LRIG1: variants seen among roughly 807,000 people sequenced by gnomAD.
The protein encoded by LRIG1 is leucine rich repeats and immunoglobulin like domains 1, also known as leucine-rich repeats and immunoglobulin-like domains protein 1.
In LRIG1, 48 loss-of-function variants were observed where a neutral mutation model predicts 99.2. The ratio of observed to expected loss-of-function variants is 0.48; its 90% CI spans 0.38 to 0.62. The LOEUF (loss-of-function observed/expected upper bound fraction) is 0.62. LRIG1 is among the 20% of genes least tolerant of loss of function. The probability of loss-of-function intolerance (pLI) is 0.00; values close to 1 mark genes in which losing one functional copy is unlikely to be tolerated. For synonymous variants in LRIG1, 772 were observed against 596.1 expected (o/e 1.29, Z -4.30); for missense variants, 1,646 against 1,434.4 (o/e 1.15, Z -2.38).
chr3:66,442,449 G>A (rs1703571454), intron 3 of LRIG1, among the ~76,000 whole-genome samples: 2 of 145,556 alleles, frequency 1.4e-5, no homozygotes, highest in South Asian at 2.2e-4. Flanking sequence ...GTGAGGAGGG[G>A]GAGGAGGAGG....
chr3:66,468,657 C>T (rs982514552), intron 1 of LRIG1, among the ~76,000 whole-genome samples: 2 of 152,150 alleles, frequency 1.3e-5, no homozygotes, highest in South Asian at 2.1e-4. Flanking sequence ...TGGGCTCTGG[C>T]GATTCATCTC....
At chr3:66,493,928 AAAAAAG>A (rs1041669014) in intron 1 of LRIG1, among the ~76,000 whole-genome samples, 183 of 149,180 alleles carry the variant, frequency 1.2e-3, no homozygotes, top group African/African-American at 4.0e-3. Flanking sequence ...GGAGAGAAAG[AAAAAAG>A]AAAAAGAAAA....
intron 1 of LRIG1, among the ~76,000 whole-genome samples, chr3:66,473,036 T>C (rs928809731): frequency 1.3e-5 from 2 of 152,074 alleles, no homozygotes; most frequent in South Asian, 4.2e-4. Context: ...TCTGGACGTG[T>C]AGTGATTAGG....
intron 9 of LRIG1, among the ~76,000 whole-genome samples, chr3:66,401,213 C>T (rs900462168): frequency 5.3e-5 from 8 of 152,178 alleles, no homozygotes; most frequent in Admixed American, 1.3e-4. Flanking sequence ...TATTTTAAAA[C>T]AAATAAACCA....
In LRIG1 at chr3:66,405,208, G is replaced by A; in HGVS notation, c.1150C>T (p.Leu384Phe). 1 of 1,614,116 alleles carries A rather than the reference G, an allele frequency of 6.2e-7. No individual in the cohort carries two copies. The highest frequency in any genetic ancestry group is 8.5e-7 in the Non-Finnish European group (1 of 1,179,964). ...GCGGCGGATACTCACAGCTTGCTGA[G>A]GCTGTCGAGCCCTGAGAAGGCGCCG... ...TSGAFSGLDSLSKLTLFGNKI... is the reference protein window; with the variant it reads ...TSGAFSGLDSFSKLTLFGNKI... Residue 384 changes from leucine (L) to phenylalanine (F), a missense_variant, in exon 9 of 19, where the codon CTC becomes TTC. Physicochemically the swap from Leu to Phe is conservative, Grantham distance 22. Coordinates refer to ENST00000273261, the MANE Select transcript of LRIG1 (RefSeq NM_015541.3).
chr3:66,474,680 C>T (rs1700678694), intron 1 of LRIG1, among the ~76,000 whole-genome samples: 1 of 152,150 alleles, frequency 6.6e-6, no homozygotes, highest in African/African-American at 2.4e-5. Flanking sequence ...TGCATCACCC[C>T]ACCACACGCC....
rs534545399 is a variant in LRIG1, at chr3:66,429,136, C to T, written c.366-11870G>A. Among the ~76,000 whole-genome samples the T allele has an allele frequency of 3.9e-5, 6 of 152,346 alleles. No homozygotes were observed. The East Asian group carries it at 1.2e-3, about 29-fold the overall frequency. On this transcript the variant is annotated intron_variant, in intron 3 of 18. Transcript: ENST00000273261. ...TCCCCTTTGGGTCTTCAACAAACAGCTTCCATTAACTCCTTGCAAAGACGA... is the reference window on the plus strand; with the variant it reads ...TCCCCTTTGGGTCTTCAACAAACAGTTTCCATTAACTCCTTGCAAAGACGA...
intron 1 of LRIG1, among the ~76,000 whole-genome samples, chr3:66,472,524 C>T (rs757193073): frequency 1.3e-5 from 2 of 152,162 alleles, no homozygotes; most frequent in Non-Finnish European, 2.9e-5. Context: ...ACACACTACA[C>T]GCTCACACCT....
intron 2 of LRIG1, among the ~76,000 whole-genome samples, chr3:66,456,365 T>G (rs1700220440): frequency 6.6e-6 from 1 of 152,116 alleles, no homozygotes; most frequent in Admixed American, 6.5e-5. Flanking sequence ...GAGGATCATT[T>G]AAGCCCAGTA....
chr3:66,382,668 C>T (rs562536994), intron 15 of LRIG1, among the ~76,000 whole-genome samples: 5 of 152,318 alleles, frequency 3.3e-5, no homozygotes, highest in Admixed American at 6.5e-5. Context: ...AGAAGTACCG[C>T]ACTGTTTCAG....
At chr3:66,383,454 G>A in intron 14 of LRIG1, 53 bp from the exon 15 acceptor site, 1 of 1,445,138 alleles carries the variant, frequency 6.9e-7, no homozygotes, top group Non-Finnish European at 9.3e-7. Flanking sequence ...CGTTGCTCTG[G>A]CTCTGCCCGG....
chr3:66,476,559 C>CT (rs1700726937), intron 1 of LRIG1, among the ~76,000 whole-genome samples: 1 of 152,166 alleles, frequency 6.6e-6, no homozygotes, highest in Admixed American at 6.5e-5. Context: ...CTCAAATCCC[C>CT]TTTTTCCAAG....
At chr3:66,463,406 T>C (rs1249335598) in intron 1 of LRIG1, among the ~76,000 whole-genome samples, 1 of 152,192 alleles carries the variant, frequency 6.6e-6, no homozygotes, top group Non-Finnish European at 1.5e-5. Context: ...CATGAGCAGC[T>C]TTCTCAAGAT....
At chr3:66,472,471 C>T (rs1700625143) in intron 1 of LRIG1, among the ~76,000 whole-genome samples, 1 of 152,146 alleles carries the variant, frequency 6.6e-6, no homozygotes, top group African/African-American at 2.4e-5. Flanking sequence ...ATCTCCTGTT[C>T]CGATACACTG....
At chr3:66,496,503 G>T (rs1559829303) in intron 1 of LRIG1, among the ~76,000 whole-genome samples, 1 of 152,212 alleles carries the variant, frequency 6.6e-6, no homozygotes, top group Non-Finnish European at 1.5e-5. Flanking sequence ...GAAGACACTT[G>T]TTGCAAAAGA....
intron 3 of LRIG1, among the ~76,000 whole-genome samples, chr3:66,423,346 G>A (rs1054188474): frequency 2.3e-4 from 35 of 152,160 alleles, no homozygotes; most frequent in African/African-American, 4.3e-4. Context: ...TGAGGTGGGC[G>A]GATCACCTTA....
intron 8 of LRIG1, among the ~76,000 whole-genome samples, 189 bp downstream of exon 8, chr3:66,407,159 T>C (rs562666115): frequency 2.0e-5 from 3 of 152,162 alleles, no homozygotes; most frequent in African/African-American, 7.2e-5. Flanking sequence ...ATGAGAGATT[T>C]TTCTGCTTAA....
intron 1 of LRIG1, among the ~76,000 whole-genome samples, chr3:66,495,574 A>C (rs912729106): frequency 8.5e-5 from 13 of 152,356 alleles, no homozygotes; most frequent in African/African-American, 2.6e-4. Flanking sequence ...AGAAGAAAGA[A>C]AGACTCTGAT....
At chr3:66,393,760 A>C (rs1036663102) in intron 12 of LRIG1, among the ~76,000 whole-genome samples, 1 of 152,216 alleles carries the variant, frequency 6.6e-6, no homozygotes, top group Non-Finnish European at 1.5e-5. Flanking sequence ...CTTCTGAAAC[A>C]ACAGAACTAT....
Sources: allele counts gnomAD v4.1 joint callset (sites outside exome capture counted in the v4.1 genomes callset), GRCh38; gene constraint gnomAD v4.1.1; transcripts MANE v1.5; gene names NCBI Gene and HGNC (gene_info 2026-07-23, HGNC 2026-07-21).